The following DUSP15 variants were observed in gnomAD, a reference collection of about 807,000 sequenced individuals.
The protein encoded by DUSP15 is dual specificity phosphatase 15, also known as dual specificity protein phosphatase 15.
DUSP15 carries 23 observed loss-of-function variants against 26.3 expected under a neutral mutation model. That is an observed-to-expected ratio of 0.87 (90% CI 0.63 to 1.24). The LOEUF (loss-of-function observed/expected upper bound fraction) is 1.24, where lower values mean the gene tolerates loss of function less well. Among genes scored for constraint, DUSP15 ranks in the 50% most tolerant of loss-of-function variants. DUSP15 has a pLI of 0.00. For synonymous variants in DUSP15, 143 were observed against 135.5 expected (o/e 1.06, Z -0.39); for missense variants, 364 against 320.6 (o/e 1.14, Z -1.03).
intron 6 of DUSP15, among the ~76,000 whole-genome samples, chr20:31,855,251 G>A (rs767564045): frequency 2.0e-5 from 3 of 152,210 alleles, no homozygotes; most frequent in Non-Finnish European, 4.4e-5. Flanking sequence ...TTTGACCTGA[G>A]CTTCGAATGT....
At chr20:31,848,411 G>C (rs769898517) in exon 10 of DUSP15, 2 of 1,611,564 alleles carry the variant, frequency 1.2e-6, no homozygotes, top group Admixed American at 1.7e-5. Flanking sequence ...CCTTCAGCGG[G>C]TACAAGAAGA....
intron 3 of DUSP15, among the ~76,000 whole-genome samples, chr20:31,866,400 T>A (rs1261506639): frequency 6.6e-6 from 1 of 152,202 alleles, no homozygotes; most frequent in African/African-American, 2.4e-5. Context: ...GTTTTACAGA[T>A]CAGGCAACTG....
intron 6 of DUSP15, among the ~76,000 whole-genome samples, chr20:31,853,945 T>A (rs115380855): frequency 6.6e-6 from 1 of 151,890 alleles, no homozygotes; most frequent in Non-Finnish European, 1.5e-5. Context: ...AAGGCCTCTT[T>A]CAGGAGGTAA....
downstream of DUSP15, among the ~76,000 whole-genome samples, chr20:31,858,843 C>T (rs927858498): frequency 6.6e-6 from 1 of 152,192 alleles, no homozygotes; most frequent in Non-Finnish European, 1.5e-5. This position sits in a 1 kb window ranked among gnomAD's most constrained non-coding sequence, Gnocchi z 4.4. Context: ...GACCTCCATC[C>T]CAGATCTGCA....
At chr20:31,861,822 G>T in intron 6 of DUSP15, 147 bp from the exon 7 acceptor site, 1 of 643,602 alleles carries the variant, frequency 1.6e-6, no homozygotes, top group Non-Finnish European at 2.4e-6. Flanking sequence ...CGTCTTCTTT[G>T]CCTCCCTTCT....
intron 5 of DUSP15, 151 bp downstream of exon 5, chr20:31,863,756 C>T: frequency 2.7e-6 from 2 of 730,352 alleles, no homozygotes; most frequent in African/African-American, 1.8e-5. Context: ...CCGGGTTGGC[C>T]TCTCTCCAGT....
chr20:31,861,407 T>C lies in DUSP15; in HGVS notation c.704A>G (p.Lys235Arg). 3 of 1,555,410 alleles carry C rather than the reference T, an allele frequency of 1.9e-6. No homozygotes were observed. Among genetic ancestry groups the C allele is most frequent in the Non-Finnish European group, 2.6e-6 (3 of 1,161,090 alleles). Residue 235 changes from lysine (K) to arginine (R), a missense_variant, in exon 7 of 7, where the codon AAG (lysine) becomes AGG (arginine). Physicochemically the swap from Lys to Arg is conservative, Grantham distance 26. Coordinates refer to ENST00000339738, the MANE Select transcript of DUSP15 (RefSeq NM_080611.5). ...LPRCLSRKGG[K>R] is the part of the protein sequence containing the mutation. ...AGCCACGGCTGGACTGCATCCTCAC[T>C]TGCCGCCCTTGCGGGACAGACACCG...
chr20:31,848,752 T>A (rs2062409369), intron 9 of DUSP15: 2 of 1,558,046 alleles, frequency 1.3e-6, no homozygotes, highest in Non-Finnish European at 1.7e-6. Flanking sequence ...GGAAGGGCTG[T>A]CTGGAGGGGA....
At chr20:31,848,925 T>G in intron 8 of DUSP15, 1 of 1,596,546 alleles carries the variant, frequency 6.3e-7, no homozygotes, top group Non-Finnish European at 8.6e-7. Flanking sequence ...CACACAATTA[T>G]ACGACACTGA....
intron 6 of DUSP15, among the ~76,000 whole-genome samples, chr20:31,854,438 A>G (rs1192495257): frequency 1.3e-5 from 2 of 152,144 alleles, no homozygotes; most frequent in Non-Finnish European, 2.9e-5. Context: ...ATTTATTGTG[A>G]CACTTATTGT....
chr20:31,849,439 T>G, intron 8 of DUSP15: 1 of 562,706 alleles, frequency 1.8e-6, no homozygotes, highest in Non-Finnish European at 3.4e-6. Context: ...TGGGCCTGCA[T>G]TTAATGTGCC....
intron 4 of DUSP15, 89 bp downstream of exon 4, chr20:31,864,864 G>A: frequency 7.3e-7 from 1 of 1,362,892 alleles, no homozygotes; most frequent in East Asian, 2.3e-5. Context: ...TCTGGCCTGA[G>A]TACTTTGTCC....
rs1296803051 is a variant in DUSP15, at chr20:31,870,154, G to A, written c.21+163C>T. 2 of 1,228,036 alleles carry A rather than the reference G, an allele frequency of 1.6e-6. No individual in the cohort carries two copies. Among genetic ancestry groups the A allele is most frequent in the Non-Finnish European group, 2.0e-6 (2 of 984,704 alleles). 76.1% of individuals were successfully genotyped at this position (1,228,036 alleles called of 1,614,324 possible). ...GACAGAGACGCAGGGTCAGAGAGGGGGAGACCCGACAGCCGCGGTCTCGAG... is the reference window on the plus strand; with the variant it reads ...GACAGAGACGCAGGGTCAGAGAGGGAGAGACCCGACAGCCGCGGTCTCGAG... On this transcript the variant is annotated intron_variant, in intron 1 of 6. Transcript: ENST00000339738. This position sits in a 1 kb window ranked among gnomAD's most constrained non-coding sequence, Gnocchi z 6.6.
chr20:31,861,783 A>G, intron 6 of DUSP15, 108 bp from the exon 7 acceptor site: 2 of 834,380 alleles, frequency 2.4e-6, no homozygotes, highest in South Asian at 2.4e-5. Context: ...CGAGCGTCCC[A>G]CACCTCGCTG....
Position 31,861,562 on chromosome 20 carries a change from G to A in DUSP15, c.549C>T (p.Ala183=), listed in dbSNP as rs1372214655. The A allele has an allele frequency of 4.0e-6, 6 of 1,501,570 alleles. No individual in the cohort carries two copies. The highest frequency in any genetic ancestry group is 2.2e-4 in the Middle Eastern group (1 of 4,574). The allele number at this position is 1,501,570 out of a possible 1,614,324, so 93.0% of individuals were successfully genotyped here. A position where few individuals can be genotyped will look rare whatever the true frequency, so the allele number is the denominator to read the frequency against. ...KRCRQGSATS[A]SSAGPHSAAS... is the part of the protein sequence containing the mutation. ...CTGCTGAGTGCGGCCCGGCGGAGGA[G>A]GCCGAGGTCGCGGAGCCCTGCCGGC... Residue 183 remains alanine, a synonymous_variant, in exon 7 of 7, where the codon GCC becomes GCT. Coordinates refer to ENST00000339738, the MANE Select transcript of DUSP15 (RefSeq NM_080611.5).
chr20:31,847,105 A>G (rs898448227), downstream of DUSP15, among the ~76,000 whole-genome samples: 1 of 152,076 alleles, frequency 6.6e-6, no homozygotes, highest in African/African-American at 2.4e-5. Flanking sequence ...ACTCTGTACC[A>G]GGCCAGCTCA....
Position 31,861,099 on chromosome 20 carries a change from C to T in DUSP15, c.*304G>A, listed in dbSNP as rs2062638284. 2 of 1,244,406 alleles carry T rather than the reference C, an allele frequency of 1.6e-6. No individual in the cohort carries two copies. The highest frequency in any genetic ancestry group is 2.0e-6 in the Non-Finnish European group (2 of 994,704). 77.1% of individuals were successfully genotyped at this position (1,244,406 alleles called of 1,614,324 possible). A position where few individuals can be genotyped will look rare whatever the true frequency, so the allele number is the denominator to read the frequency against. ...AGCTTCTTCTGTGTCTCTTTAATACCCTCCAGGCCCGTCAAACCCTCCACT... is the reference window on the plus strand; with the variant it reads ...AGCTTCTTCTGTGTCTCTTTAATACTCTCCAGGCCCGTCAAACCCTCCACT... On this transcript the variant is annotated 3_prime_UTR_variant, in exon 7 of 7. Transcript: ENST00000339738.
intron 8 of DUSP15, among the ~76,000 whole-genome samples, chr20:31,849,152 A>C (rs1018927958): frequency 6.7e-6 from 1 of 150,296 alleles, no homozygotes; most frequent in African/African-American, 2.5e-5. Flanking sequence ...TTTATGCCCA[A>C]CCCATGCCCA....
chr20:31,850,297 C>G (rs2062447892), intron 7 of DUSP15, among the ~76,000 whole-genome samples: 1 of 152,192 alleles, frequency 6.6e-6, no homozygotes, highest in African/African-American at 2.4e-5. Context: ...GCCAGGCCCT[C>G]GGATTCTAGT....
Sources: gnomAD v4.1 joint callset for allele counts (sites outside exome capture counted in the v4.1 genomes callset) on GRCh38, gnomAD v4.1.1 for gene constraint, Gnocchi (gnomAD v3.1) non-coding constraint, MANE v1.5 for transcripts, NCBI Gene and HGNC (gene_info 2026-07-23, HGNC 2026-07-21) for gene names.